ATAD2B: variants seen among roughly 807,000 people sequenced by gnomAD.
ATAD2B encodes ATPase family AAA domain containing 2B.
Under a neutral mutation model 167.6 loss-of-function variants are expected in ATAD2B, and 40 were observed. The ratio of observed to expected loss-of-function variants is 0.24; its 90% confidence interval spans 0.19 to 0.31. The LOEUF (loss-of-function observed/expected upper bound fraction) is 0.31. Ranked by LOEUF, ATAD2B falls within the 10% of genes least tolerant of loss-of-function variation. ATAD2B has a pLI of 1.00. For synonymous variants in ATAD2B, 579 were observed against 596.5 expected (o/e 0.97, Z 0.43); for missense variants, 1,242 against 1,757.2 (o/e 0.71, Z 5.24).
downstream of ATAD2B, among the ~76,000 whole-genome samples, chr2:23,746,874 C>T (rs1674914040): frequency 6.6e-6 from 1 of 152,118 alleles, no homozygotes; most frequent in African/African-American, 2.4e-5. Flanking sequence ...AAGAGCACCA[C>T]ACTTTTAAAA....
At chr2:23,842,457 G>A (rs1032187915) in intron 13 of ATAD2B, among the ~76,000 whole-genome samples, 3 of 152,110 alleles carry the variant, frequency 2.0e-5, no homozygotes. Flanking sequence ...AGACAGATGG[G>A]TTCTGGTGGG....
At chr2:23,769,711 G>GATTTTTTTTTTTTTTTTTTTTTTTTTTTT (rs199842019) in intron 22 of ATAD2B, among the ~76,000 whole-genome samples, 2 of 129,836 alleles carry the variant, frequency 1.5e-5, no homozygotes, top group Non-Finnish European at 1.7e-5. Flanking sequence ...TCTCACTGTG[G>GATTTTTTTTTTTTTTTTTTTTTTTTTTTT]GTTTTTTTTT....
chr2:23,770,353 T>G (rs1035605868), intron 22 of ATAD2B, among the ~76,000 whole-genome samples: 5 of 151,296 alleles, frequency 3.3e-5, no homozygotes, highest in African/African-American at 1.2e-4. Flanking sequence ...AATAAAAAGA[T>G]TAATGAGGAT....
chr2:23,926,874 G>C lies in ATAD2B; in HGVS notation c.-104C>G. The C allele has an allele frequency of 2.2e-6, 3 of 1,351,020 alleles. No homozygotes were observed. The highest frequency in any genetic ancestry group is 2.9e-6 in the Non-Finnish European group (3 of 1,021,402). 83.7% of individuals were successfully genotyped at this position (1,351,020 alleles called of 1,614,324 possible). ...CCAGCGGAGCCGAGCCGGGCAATGA[G>C]AGACGAGCCGGCCCGGAGCGTGCGG... is the stretch of plus-strand genomic sequence containing the variant. On this transcript the variant is annotated 5_prime_UTR_variant, in exon 1 of 28. Transcript: ENST00000238789.
intron 1 of ATAD2B, among the ~76,000 whole-genome samples, chr2:23,916,613 C>T (rs1054722648): frequency 6.6e-6 from 1 of 152,172 alleles, no homozygotes; most frequent in Non-Finnish European, 1.5e-5. Flanking sequence ...TCCCTCTAAC[C>T]ATAGGTTTCT....
At position 23,895,812 on chromosome 2, in the gene ATAD2B, T is replaced by C; in HGVS notation, c.368+7A>G. Reference sequence around the variant, plus strand: ...GAAAAAACAATCAATGAGTTCTCCTTTCTCACCTGGCCTGTCCAGTTGATA... The same window carrying C: ...GAAAAAACAATCAATGAGTTCTCCTCTCTCACCTGGCCTGTCCAGTTGATA... On this transcript the variant is annotated splice_region_variant and intron_variant, in intron 2 of 27. Coordinates refer to ENST00000238789, the MANE Select transcript of ATAD2B (RefSeq NM_017552.4). 6.3e-7 allele frequency: 1 copy of C among 1,590,548 alleles called. No individual in the cohort carries two copies. The highest frequency in any genetic ancestry group is 8.6e-7 in the Non-Finnish European group (1 of 1,167,136).
At chr2:23,741,539 T>C in the ATAD2B span, among the ~76,000 whole-genome samples, 2 of 152,066 alleles carry the variant, frequency 1.3e-5, no homozygotes, top group Admixed American at 6.5e-5. Flanking sequence ...TTACACCTTA[T>C]ACAAAAATTA....
intron 1 of ATAD2B, among the ~76,000 whole-genome samples, chr2:23,917,836 A>C (rs1392828232): frequency 1.3e-5 from 2 of 152,050 alleles, no homozygotes; most frequent in African/African-American, 4.8e-5. Context: ...AGCCGGGGGG[A>C]TCACCTGAGG....
intron 24 of ATAD2B, among the ~76,000 whole-genome samples, chr2:23,760,993 T>C (rs1460805401): frequency 6.6e-6 from 1 of 152,200 alleles, no homozygotes; most frequent in East Asian, 1.9e-4. Flanking sequence ...CTCATATTTG[T>C]AGATTCAAAA....
rs1703137746 is a variant in ATAD2B at position 23,917,023 on chromosome 2, A to G, written c.216+9532T>C. On this transcript the variant is annotated intron_variant, in intron 1 of 27. Transcript: ENST00000238789. Reference sequence around the variant, plus strand: ...AGATTCTTGGGATTCAGACAAGCATAATGATACAACTCCAGGAGTGCCATT... The same window carrying G: ...AGATTCTTGGGATTCAGACAAGCATGATGATACAACTCCAGGAGTGCCATT... Among the ~76,000 whole-genome samples, 4 of 152,370 alleles carry G rather than the reference A, an allele frequency of 2.6e-5. No individual in the cohort carries two copies. The South Asian group carries it at 8.3e-4, about 32-fold the overall frequency.
At position 23,863,633 on chromosome 2, in the gene ATAD2B, C is replaced by A. The variant is rs1347348872; in HGVS notation, c.1305-78G>T. On this transcript the variant is annotated intron_variant, in intron 11 of 27. Transcript: ENST00000238789. ...TAACCAATTTTAAAAAATGTCCCCC[C>A]CTTCCATATAATTTTGTATTGAAGT... The A allele has an allele frequency of 8.6e-6, 11 of 1,277,058 alleles. No individual in the cohort carries two copies. In the South Asian group the frequency reaches 1.7e-4, roughly 20 times the overall value. The allele number at this position is 1,277,058 out of a possible 1,614,324, so 79.1% of individuals were successfully genotyped here. A position where few individuals can be genotyped will look rare whatever the true frequency, so the allele number is the denominator to read the frequency against.
At chr2:23,721,969 G>T in the ATAD2B span, among the ~76,000 whole-genome samples, 2 of 152,258 alleles carry the variant, frequency 1.3e-5, no homozygotes, top group Non-Finnish European at 2.9e-5. Flanking sequence ...AGGCCACTGA[G>T]AAATTTGCAA....
chr2:23,813,283 T>C (rs1415020465), intron 17 of ATAD2B, among the ~76,000 whole-genome samples: 1 of 141,846 alleles, frequency 7.0e-6, no homozygotes, highest in Non-Finnish European at 1.5e-5. Context: ...ATATGAATTA[T>C]AAAATATTTA....
At chr2:23,875,445 GC>G (rs1489111789) in intron 8 of ATAD2B, among the ~76,000 whole-genome samples, 2 of 151,854 alleles carry the variant, frequency 1.3e-5, no homozygotes, top group African/African-American at 4.8e-5. Flanking sequence ...GTTGCAGTGA[GC>G]CGAGACTGCG....
intron 1 of ATAD2B, among the ~76,000 whole-genome samples, chr2:23,926,237 C>T (rs1704788211): frequency 6.6e-6 from 1 of 152,218 alleles, no homozygotes; most frequent in Non-Finnish European, 1.5e-5. Context: ...CTTGCTTCCC[C>T]GCTAGAATTC....
rs772546536 is a variant in ATAD2B, at chr2:23,810,426, G to A, written c.2344C>T (p.His782Tyr). ...SGERGSGQTS[H>Y]LAPALLHTLE... Reference sequence around the variant, plus strand: ...GTGTGCAAAAGTGCTGGAGCAAGGTGAGAAGTTTGACCTGAGCCCCGTTCT... The same window carrying A: ...GTGTGCAAAAGTGCTGGAGCAAGGTAAGAAGTTTGACCTGAGCCCCGTTCT... The change falls in exon 18 of 28, where the codon CAC (histidine) becomes TAC (tyrosine). Residue 782 changes from histidine (H) to tyrosine (Y), a missense_variant. This residue lies in a region of ATAD2B where 145 missense variants were observed against 181.9 expected (regional missense o/e 0.80). Transcript: ENST00000238789. 6.2e-7 allele frequency: 1 copy of A among 1,613,922 alleles called. No homozygotes were observed. Among genetic ancestry groups the A allele is most frequent in the South Asian group, 1.1e-5 (1 of 91,086 alleles).
chr2:23,888,471 T>C (rs1271476745), intron 2 of ATAD2B, 72 bp from the exon 3 acceptor site: 10 of 935,584 alleles, frequency 1.1e-5, no homozygotes, highest in Non-Finnish European at 4.7e-6. Context: ...GAAATACTGC[T>C]GGAATTATTT....
Position 23,751,832 on chromosome 2 carries a change from C to A in ATAD2B, c.*214G>T, listed in dbSNP as rs1183329433. 1 of 534,980 alleles carries A rather than the reference C, an allele frequency of 1.9e-6. No homozygotes were observed. Among genetic ancestry groups the A allele is most frequent in the Non-Finnish European group, 3.3e-6 (1 of 299,488 alleles). 33.1% of individuals were successfully genotyped at this position (534,980 alleles called of 1,614,324 possible). A position where few individuals can be genotyped will look rare whatever the true frequency, so the allele number is the denominator to read the frequency against. ...TTGTATTTTTTATTTGTGGAAAATA[C>A]AACATGTTTCTGAAGTTCTGTTTGG... is the stretch of plus-strand genomic sequence containing the variant. On this transcript the variant is annotated 3_prime_UTR_variant, in exon 28 of 28. Coordinates refer to ENST00000238789, the MANE Select transcript of ATAD2B (RefSeq NM_017552.4).
At chr2:23,914,547 C>T (rs1245594089) in intron 1 of ATAD2B, among the ~76,000 whole-genome samples, 1 of 151,920 alleles carries the variant, frequency 6.6e-6, no homozygotes, top group African/African-American at 2.4e-5. Context: ...AGTGGAGATA[C>T]AAGAACTCTC....
Sources: gnomAD v4.1 joint callset for allele counts (sites outside exome capture counted in the v4.1 genomes callset) on GRCh38, gnomAD v4.1.1 for gene constraint, gnomAD v4.1.1 regional missense constraint, MANE v1.5 for transcripts, NCBI Gene and HGNC (gene_info 2026-07-23, HGNC 2026-07-21) for gene names.